The following JAKMIP3 variants were observed in gnomAD, a reference collection of about 807,000 sequenced individuals.
The protein encoded by JAKMIP3 is janus kinase and microtubule-interacting protein 3.
In JAKMIP3, 58 loss-of-function variants were observed where a neutral mutation model predicts 118.5. That is an observed-to-expected ratio of 0.49 (90% CI 0.40 to 0.61). The LOEUF (loss-of-function observed/expected upper bound fraction) is 0.61. JAKMIP3 is among the 20% of genes least tolerant of loss of function. The pLI is 0.00. For synonymous variants in JAKMIP3, 486 were observed against 451.2 expected, an observed-to-expected ratio of 1.08 and a Z score of -0.98; for missense variants, 950 against 1,109.0, an observed-to-expected ratio of 0.86 and a Z score of 2.04.
At chr10:132,100,776 T>A (rs764392603) in intron 1 of JAKMIP3, among the ~76,000 whole-genome samples, 6 of 151,728 alleles carry the variant, frequency 4.0e-5, no homozygotes, top group Non-Finnish European at 8.8e-5. Context: ...TGAAAGCCCC[T>A]TTCTCTCGGC....
chr10:132,093,042 CCT>C (rs2043299526), intron 1 of JAKMIP3, among the ~76,000 whole-genome samples: 1 of 152,168 alleles, frequency 6.6e-6, no homozygotes, highest in Admixed American at 6.5e-5. Flanking sequence ...CACTCCAGAC[CCT>C]GTTTGCCTGG....
At position 132,168,963 on chromosome 10, in the gene JAKMIP3, C is replaced by G. The variant is rs1040699514; in HGVS notation, c.*1033C>G. 1 of 159,072 alleles carries G rather than the reference C, an allele frequency of 6.3e-6. No individual in the cohort carries two copies. Among genetic ancestry groups the G allele is most frequent in the African/African-American group, 2.4e-5 (1 of 41,448 alleles). 9.9% of individuals were successfully genotyped at this position (159,072 alleles called of 1,614,324 possible). On this transcript the variant is annotated 3_prime_UTR_variant, in exon 23 of 24. Transcript: ENST00000684848. ...GGGATGGCGGGCGCAAGAAGGGAAC[C>G]GCGGGGACGGCCTTTCCCCTCCCGC...
At position 132,085,504 on chromosome 10, in the gene JAKMIP3, T is replaced by TC. The variant is rs35145414; in HGVS notation, c.-137-19168_-137-19167insC. Among the ~76,000 whole-genome samples the TC allele has an allele frequency of 2.1e-3, 108 of 51,502 alleles. 2 individuals are homozygous for TC. Among genetic ancestry groups the TC allele is most frequent in the African/African-American group, 7.3e-3 (99 of 13,572 alleles). The allele number at this position is 51,502 out of a possible 152,430, so 33.8% of individuals were successfully genotyped here. Reference sequence around the variant, plus strand: ...TAATGGTCTATCAATTTTCTCTCTCTTTTTTTTTTTTTGTGAGAGGAAGTC... The same window carrying TC: ...TAATGGTCTATCAATTTTCTCTCTCTCTTTTTTTTTTTTGTGAGAGGAAGTC... On this transcript the variant is annotated intron_variant, in intron 1 of 23. Transcript: ENST00000684848.
chr10:132,143,124 C>A (rs2053884446), intron 11 of JAKMIP3, among the ~76,000 whole-genome samples: 1 of 151,808 alleles, frequency 6.6e-6, no homozygotes, highest in Non-Finnish European at 1.5e-5. Flanking sequence ...CCCTCTGTGC[C>A]CTCCTCCTGT....
intron 3 of JAKMIP3, among the ~76,000 whole-genome samples, chr10:132,129,011 T>C (rs896638074): frequency 6.6e-6 from 1 of 152,190 alleles, no homozygotes; most frequent in Non-Finnish European, 1.5e-5. Flanking sequence ...TTTCCCTGCT[T>C]CTTCACGTGT....
intron 1 of JAKMIP3, among the ~76,000 whole-genome samples, chr10:132,089,922 C>T (rs576259623): frequency 3.3e-5 from 5 of 152,082 alleles, no homozygotes; most frequent in Non-Finnish European, 5.9e-5. Flanking sequence ...GCATGAAGGG[C>T]TGTTGAATTT....
At chr10:132,100,003 C>A (rs2044573538) in intron 1 of JAKMIP3, among the ~76,000 whole-genome samples, 1 of 152,206 alleles carries the variant, frequency 6.6e-6, no homozygotes, top group Non-Finnish European at 1.5e-5. Flanking sequence ...CTCCTGTGAT[C>A]CTATCGTGGT....
intron 19 of JAKMIP3, among the ~76,000 whole-genome samples, chr10:132,161,870 G>T (rs2058382661): frequency 1.1e-5 from 1 of 92,128 alleles, no homozygotes; most frequent in Non-Finnish European, 2.4e-5. Flanking sequence ...ATGCTGGGGG[G>T]GCCTCTTCCT....
In JAKMIP3 at chr10:132,136,082, G is replaced by T. The variant is rs779420732; in HGVS notation, c.1116+6G>T. ...CCCAGGAGAACATAGAAATGGTGAGGGGGTGGGGGGCTCCACGGGGCCACG... is the reference window on the plus strand; with the variant it reads ...CCCAGGAGAACATAGAAATGGTGAGTGGGTGGGGGGCTCCACGGGGCCACG... On this transcript the variant is annotated splice_donor_region_variant and intron_variant, in intron 6 of 23. Transcript: ENST00000684848. 3 of 1,612,960 alleles carry T rather than the reference G, an allele frequency of 1.9e-6. No homozygotes were observed. In the East Asian group the frequency reaches 6.7e-5, roughly 36 times the overall value.
chr10:132,042,184 C>CTCCTTCCTTCCT (rs58374693), intron 1 of JAKMIP3, among the ~76,000 whole-genome samples: 20,340 of 132,052 alleles, frequency 0.15, 2,108 homozygotes, highest in Non-Finnish European at 0.23. Context: ...TGCTCGCTCG[C>CTCCTTCCTTCCT]TCCTTCCTTC....
At position 132,112,517 on chromosome 10, in the gene JAKMIP3, T is replaced by C. The variant is rs1485315111; in HGVS notation, c.136-4560T>C. On this transcript the variant is annotated intron_variant, in intron 2 of 23. Coordinates refer to ENST00000684848, the MANE Select transcript of JAKMIP3 (RefSeq NM_001323087.2). This position sits in a 1 kb window ranked among gnomAD's most constrained non-coding sequence, Gnocchi z 4.3. ...GGGTCTCTTTTCCTGGTTCCTTATT[T>C]TGTTCAATTGTATTCTTTTCTTCAG... is the stretch of plus-strand genomic sequence containing the variant. 6.6e-6 allele frequency among the ~76,000 whole-genome samples: 1 copy of C among 152,212 alleles called. No homozygotes were observed. The highest frequency in any genetic ancestry group is 1.9e-4 in the East Asian group (1 of 5,200).
chr10:132,053,311 A>G (rs1196919787), intron 1 of JAKMIP3, among the ~76,000 whole-genome samples: 1 of 152,192 alleles, frequency 6.6e-6, no homozygotes, highest in Admixed American at 6.5e-5. Flanking sequence ...GTCCTATGGA[A>G]TTGGGGTGAG....
chr10:132,154,942 A>T (rs372964972), intron 19 of JAKMIP3, among the ~76,000 whole-genome samples: 3 of 8,438 alleles, frequency 3.6e-4, no homozygotes, highest in Non-Finnish European at 5.0e-4. Flanking sequence ...GATGATGGTG[A>T]TTATGATGGT....
chr10:132,124,210 T>C (rs882802), intron 3 of JAKMIP3, among the ~76,000 whole-genome samples: 92,980 of 152,160 alleles, frequency 0.61, 28,570 homozygotes, highest in South Asian at 0.71. Flanking sequence ...CCCGTCCTTC[T>C]GCTGCTGCTT....
At chr10:132,114,094 G>A (rs2047266991) in intron 2 of JAKMIP3, among the ~76,000 whole-genome samples, 1 of 152,226 alleles carries the variant, frequency 6.6e-6, no homozygotes, top group East Asian at 1.9e-4. Flanking sequence ...TAGACTAGTG[G>A]CCAGTCCCAG....
At chr10:132,151,535 G>A (rs2056207491) in intron 16 of JAKMIP3, among the ~76,000 whole-genome samples, 1 of 152,334 alleles carries the variant, frequency 6.6e-6, no homozygotes, top group African/African-American at 2.4e-5. Context: ...GGGTGGCCGT[G>A]GACCTGACAT....
chr10:132,087,915 T>A (rs2042604268), intron 1 of JAKMIP3, among the ~76,000 whole-genome samples: 1 of 152,086 alleles, frequency 6.6e-6, no homozygotes, highest in Admixed American at 6.6e-5. Context: ...TGTCCATGTG[T>A]TCTCATTGTT....
intron 2 of JAKMIP3, among the ~76,000 whole-genome samples, chr10:132,106,988 A>G (rs1444904306): frequency 6.6e-6 from 1 of 151,856 alleles, no homozygotes; most frequent in Non-Finnish European, 1.5e-5. Flanking sequence ...GGCTCAAGCA[A>G]TCCTCTCACC....
intron 1 of JAKMIP3, among the ~76,000 whole-genome samples, chr10:132,072,257 C>T (rs952972801): frequency 5.9e-5 from 9 of 151,900 alleles, no homozygotes; most frequent in Non-Finnish European, 1.3e-4. Flanking sequence ...CTTTTTAAAA[C>T]GTTTAGGCTG....
Sources: allele counts gnomAD v4.1 joint callset (sites outside exome capture counted in the v4.1 genomes callset), GRCh38; gene constraint gnomAD v4.1.1; non-coding constraint Gnocchi (gnomAD v3.1); transcripts MANE v1.5; gene names NCBI Gene and HGNC (gene_info 2026-07-23, HGNC 2026-07-21).